Variants in LPP observed in about 807,000 individuals in gnomAD.
The protein encoded by LPP is LIM domain containing preferred translocation partner in lipoma.
Under a neutral mutation model 60.4 loss-of-function variants are expected in LPP, and 38 were observed. The ratio of observed to expected loss-of-function variants is 0.63; its 90% confidence interval spans 0.49 to 0.83. LPP has a LOEUF of 0.83. Ranked by LOEUF, LPP falls within the 40% of genes least tolerant of loss-of-function variation. LPP has a pLI of 0.00. For missense variants in LPP, 902 were observed against 783.6 expected, an observed-to-expected ratio of 1.15 and a Z score of -1.80; for synonymous variants, 328 against 290.8, an observed-to-expected ratio of 1.13 and a Z score of -1.30.
At chr3:188,596,173 A>T (rs184483744) in intron 6 of LPP, among the ~76,000 whole-genome samples, 75 of 152,258 alleles carry the variant, frequency 4.9e-4, no homozygotes, top group African/African-American at 1.8e-3. Flanking sequence ...GTTGAAAAAA[A>T]TTTTTTTAAG....
chr3:188,564,723 T>TGGGTTGGA (rs1831688663), intron 6 of LPP, among the ~76,000 whole-genome samples: 1 of 151,916 alleles, frequency 6.6e-6, no homozygotes, highest in South Asian at 2.1e-4. Context: ...CAACCAAGCC[T>TGGGTTGGA]CATGGAGACT....
rs1218092690 is a variant in LPP, at chr3:188,881,150, A to AAAAAAAT, written c.*6677_*6678insTAAAAAA. On this transcript the variant is annotated 3_prime_UTR_variant, in exon 12 of 12. Transcript: ENST00000617246. ...GCGAGACTCCGTCTCAAAAAAAAAAAAAAAAAAATAGGATCATGGCCCTTT... is the reference window on the plus strand; with the variant it reads ...GCGAGACTCCGTCTCAAAAAAAAAAAAAAAAATAAAAAAAATAGGATCATGGCCCTTT... 6.1e-6 allele frequency: 1 copy of AAAAAAAT among 164,316 alleles called. No individual in the cohort carries two copies. The highest frequency in any genetic ancestry group is 1.3e-5 in the Non-Finnish European group (1 of 75,052). The allele number at this position is 164,316 out of a possible 1,614,324, so 10.2% of individuals were successfully genotyped here.
chr3:188,782,166 G>C (rs1398401069), intron 9 of LPP, among the ~76,000 whole-genome samples: 1 of 152,144 alleles, frequency 6.6e-6, no homozygotes, highest in East Asian at 1.9e-4. Context: ...TGTAATACCA[G>C]TTAATACTTT....
At chr3:188,671,117 G>A (rs1247028335) in intron 7 of LPP, among the ~76,000 whole-genome samples, 4 of 152,092 alleles carry the variant, frequency 2.6e-5, no homozygotes, top group Admixed American at 6.5e-5. Context: ...CAAGTACTAC[G>A]CAGCTGAAAA....
chr3:188,865,425 A>T (rs921503756), intron 9 of LPP, among the ~76,000 whole-genome samples: 2 of 152,206 alleles, frequency 1.3e-5, no homozygotes, highest in African/African-American at 4.8e-5. Flanking sequence ...GCTTTAAATG[A>T]TCAGAAGCCT....
chr3:188,517,029 G>C (rs1434933569), intron 5 of LPP, among the ~76,000 whole-genome samples: 1 of 152,072 alleles, frequency 6.6e-6, no homozygotes, highest in Non-Finnish European at 1.5e-5. Context: ...ATACTCAATT[G>C]CCTGACTATT....
chr3:188,508,997 AG>A (rs1427466618), intron 5 of LPP, among the ~76,000 whole-genome samples: 24 of 152,136 alleles, frequency 1.6e-4, no homozygotes, highest in Non-Finnish European at 1.5e-5. Context: ...TAAATCTAGG[AG>A]GGGGCTTAGG....
chr3:188,565,370 A>G (rs956490769), intron 6 of LPP, among the ~76,000 whole-genome samples: 1 of 151,956 alleles, frequency 6.6e-6, no homozygotes, highest in Non-Finnish European at 1.5e-5. Flanking sequence ...CAAGTAAACA[A>G]GTTGTGGACC....
At chr3:188,379,979 T>C (rs1399556585) in intron 3 of LPP, among the ~76,000 whole-genome samples, 1 of 152,170 alleles carries the variant, frequency 6.6e-6, no homozygotes. Context: ...TTATGAATGC[T>C]TGGACTTTTT....
At chr3:188,297,438 T>C (rs981627364) in intron 2 of LPP, among the ~76,000 whole-genome samples, 1 of 152,216 alleles carries the variant, frequency 6.6e-6, no homozygotes, top group Non-Finnish European at 1.5e-5. Context: ...ATCAAGTAGA[T>C]AAATTCTATT....
At chr3:188,328,941 C>T (rs1231622848) in intron 2 of LPP, among the ~76,000 whole-genome samples, 2 of 152,192 alleles carry the variant, frequency 1.3e-5, no homozygotes, top group Admixed American at 1.3e-4. Context: ...AACTGGCTCC[C>T]TGTCCCGCTT....
chr3:188,521,790 A>G (rs971536836), intron 5 of LPP, among the ~76,000 whole-genome samples: 1 of 152,138 alleles, frequency 6.6e-6, no homozygotes, highest in Non-Finnish European at 1.5e-5. Flanking sequence ...ACTATGGCCC[A>G]GGGAAAGATT....
At chr3:188,742,893 A>T (rs1724933505) in intron 8 of LPP, among the ~76,000 whole-genome samples, 1 of 152,206 alleles carries the variant, frequency 6.6e-6, no homozygotes, top group Non-Finnish European at 1.5e-5. Flanking sequence ...AATTCGGCCA[A>T]GGCATATTTG....
chr3:188,183,009 A>C (rs1725576158), intron 1 of LPP, among the ~76,000 whole-genome samples: 1 of 48,410 alleles, frequency 2.1e-5, no homozygotes, highest in South Asian at 4.0e-4. Context: ...GTGAGGCCCA[A>C]AGAGGTCAAT....
intron 3 of LPP, among the ~76,000 whole-genome samples, chr3:188,400,806 G>A (rs1436730018): frequency 1.3e-5 from 2 of 152,256 alleles, no homozygotes; most frequent in East Asian, 3.9e-4. Context: ...GCTAGAATGA[G>A]GGGAAGTAAG....
intron 9 of LPP, among the ~76,000 whole-genome samples, chr3:188,843,728 A>G (rs1020375048): frequency 1.4e-5 from 2 of 142,642 alleles, no homozygotes; most frequent in Admixed American, 7.6e-5. Context: ...CGGAGCTTGC[A>G]GGGAGCCGAG....
intron 5 of LPP, among the ~76,000 whole-genome samples, chr3:188,491,289 G>A (rs1481297516): frequency 6.6e-6 from 1 of 152,280 alleles, no homozygotes; most frequent in Non-Finnish European, 1.5e-5. Flanking sequence ...GAGGAGGCTG[G>A]GTATGAAAAG....
intron 1 of LPP, among the ~76,000 whole-genome samples, chr3:188,176,562 T>A (rs1723094998): frequency 1.3e-5 from 2 of 152,154 alleles, no homozygotes; most frequent in African/African-American, 4.8e-5. Flanking sequence ...AAACTTGTTT[T>A]TCAGGTCTTT....
At chr3:188,599,751 GGTGTGTGTGTGTGTGTGT>G (rs71169011) in intron 6 of LPP, among the ~76,000 whole-genome samples, 1 of 139,828 alleles carries the variant, frequency 7.2e-6, no homozygotes, top group Non-Finnish European at 1.5e-5. Flanking sequence ...ACTCGTTAGG[GGTGTGTGTGTGTGTGTGT>G]GTGTGTGTGT....
Sources: allele counts gnomAD v4.1 joint callset (sites outside exome capture counted in the v4.1 genomes callset), GRCh38; gene constraint gnomAD v4.1.1; transcripts MANE v1.5; gene names NCBI Gene and HGNC (gene_info 2026-07-23, HGNC 2026-07-21).